MEI1: variants seen among roughly 807,000 people sequenced by gnomAD.
MEI1 encodes the protein meiosis inhibitor protein 1.
Under a neutral mutation model 146.2 loss-of-function variants are expected in MEI1, and 103 were observed. That is an observed-to-expected ratio of 0.70 (90% CI 0.60 to 0.83). The LOEUF (loss-of-function observed/expected upper bound fraction) is 0.83. MEI1 is among the 40% of genes least tolerant of loss of function. The pLI, the probability that MEI1 is intolerant of heterozygous loss-of-function variation, is 0.00. For missense variants in MEI1, 1,529 were observed against 1,533.0 expected (o/e 1.00, Z 0.04); for synonymous variants, 652 against 628.2 (o/e 1.04, Z -0.57).
At position 41,784,391 on chromosome 22, in the gene MEI1, T is replaced by G. The variant is rs1404185548; in HGVS notation, c.3140T>G (p.Phe1047Cys). Residue 1047 changes from phenylalanine to cysteine, a missense_variant, in exon 25 of 31, where the codon TTT (phenylalanine) becomes TGT (cysteine). Transcript: ENST00000401548. ...EMDQVLKALSFPKKKAALLSA... is the reference protein window; with the variant it reads ...EMDQVLKALSCPKKKAALLSA... ...GACCAAGTATTGAAGGCTCTCAGCT[T>G]TCCAAAGAAAAAGGCTGCACTACTC... 1.9e-6 allele frequency: 3 copies of G among 1,613,932 alleles called. No individual in the cohort carries two copies. The highest frequency in any genetic ancestry group is 2.5e-6 in the Non-Finnish European group (3 of 1,179,866).
rs776810903 is a variant in MEI1 at position 41,778,831 on chromosome 22, A to T, written c.2815+19A>T. ...CACCAAGGTGCCCTGGCTGCTTGGG[A>T]TAGCGCCCAAGGGCCCAGGGCTGGA... On this transcript the variant is annotated intron_variant, in intron 22 of 30. Transcript: ENST00000401548. The T allele has an allele frequency of 5.7e-6, 9 of 1,572,648 alleles. No homozygotes were observed. Among genetic ancestry groups the T allele is most frequent in the South Asian group, 1.2e-5 (1 of 86,418 alleles).
intron 3 of MEI1, 102 bp downstream of exon 3, chr22:41,705,656 G>T: frequency 3.2e-6 from 3 of 926,056 alleles, no homozygotes; most frequent in Non-Finnish European, 5.3e-6. Flanking sequence ...TTTAGACACA[G>T]ATAAGAGGAA....
intron 3 of MEI1, among the ~76,000 whole-genome samples, chr22:41,713,612 G>A (rs1011240206): frequency 7.2e-5 from 11 of 152,100 alleles, no homozygotes; most frequent in Non-Finnish European, 1.0e-4. Context: ...GCAATGGCAC[G>A]ATCTTGGCTC....
intron 3 of MEI1, chr22:41,709,600 CT>C (rs2069380192): frequency 2.3e-6 from 1 of 426,926 alleles, no homozygotes; most frequent in Non-Finnish European, 4.4e-6. Context: ...AGGTCTGAAT[CT>C]TCAGTGGCTC....
At chr22:41,711,540 G>A (rs2069570733) in intron 3 of MEI1, among the ~76,000 whole-genome samples, 1 of 152,188 alleles carries the variant, frequency 6.6e-6, no homozygotes, top group African/African-American at 2.4e-5. Context: ...TCAGACCTCA[G>A]GAACTTCACC....
intron 23 of MEI1, 112 bp downstream of exon 23, chr22:41,781,506 C>A: frequency 1.7e-6 from 2 of 1,154,982 alleles, no homozygotes; most frequent in South Asian, 2.8e-5. Context: ...GGCTGGTGGT[C>A]ATAAGGTCCT....
At chr22:41,709,170 C>G (rs1301003921) in intron 3 of MEI1, 2 of 750,194 alleles carry the variant, frequency 2.7e-6, no homozygotes, top group African/African-American at 3.5e-5. Flanking sequence ...AATAGTATTT[C>G]AAACTGTACA....
intron 19 of MEI1, among the ~76,000 whole-genome samples, chr22:41,768,156 C>T (rs907987566): frequency 4.6e-5 from 7 of 152,024 alleles, no homozygotes; most frequent in Non-Finnish European, 2.9e-5. Flanking sequence ...CCGAGGCGGG[C>T]GGATTGACTG....
intron 16 of MEI1, 120 bp from the exon 17 acceptor site, chr22:41,753,829 G>T (rs1430914918): frequency 2.7e-6 from 2 of 748,444 alleles, no homozygotes; most frequent in South Asian, 1.6e-5. Flanking sequence ...CACGGCCATG[G>T]CTAGAATTTC....
intron 20 of MEI1, among the ~76,000 whole-genome samples, chr22:41,775,591 A>G (rs1320111188): frequency 1.4e-5 from 2 of 144,228 alleles, no homozygotes; most frequent in African/African-American, 5.1e-5. Context: ...GGATGGACCT[A>G]TTCTTTTTTT....
At chr22:41,727,242 C>T (rs1461948985) in intron 7 of MEI1, among the ~76,000 whole-genome samples, 1 of 152,044 alleles carries the variant, frequency 6.6e-6, no homozygotes, top group Admixed American at 6.6e-5. Context: ...AGCTGTAAAA[C>T]CAGGTATGCC....
intron 13 of MEI1, 69 bp from the exon 14 acceptor site, chr22:41,745,816 C>A (rs1019496354): frequency 2.0e-6 from 3 of 1,472,180 alleles, no homozygotes; most frequent in African/African-American, 2.8e-5. Context: ...CCGCCACCCC[C>A]CAGGAAGCTG....
intron 26 of MEI1, among the ~76,000 whole-genome samples, chr22:41,793,486 G>C (rs1409832492): frequency 2.0e-5 from 3 of 152,086 alleles, no homozygotes; most frequent in African/African-American, 4.8e-5. Flanking sequence ...ATATTTAGTA[G>C]AGATGGGGTT....
At chr22:41,732,838 T>C (rs1472335753) in intron 11 of MEI1, among the ~76,000 whole-genome samples, 1 of 148,114 alleles carries the variant, frequency 6.8e-6, no homozygotes, top group Non-Finnish European at 1.5e-5. Context: ...TGGAGTGCAA[T>C]GGTGTGATCT....
chr22:41,778,779 C>A lies in MEI1; in HGVS notation c.2782C>A (p.Leu928Met), dbSNP rs777208934. 2 of 1,608,112 alleles carry A rather than the reference C, an allele frequency of 1.2e-6. No homozygotes were observed. The highest frequency in any genetic ancestry group is 1.7e-6 in the Non-Finnish European group (2 of 1,177,378). The change falls in exon 22 of 31, where the codon CTG becomes ATG. Residue 928 changes from leucine (L) to methionine (M), a missense_variant. Coordinates refer to ENST00000401548, the MANE Select transcript of MEI1 (RefSeq NM_152513.4). Reference protein sequence around the residue: ...MQLRNVSEQELDSVAMKLLHQ... With the variant: ...MQLRNVSEQEMDSVAMKLLHQ... ...GCTCAGGAATGTGTCAGAGCAAGAA[C>A]TGGACAGCGTGGCCATGAAGCTCCT...
intron 11 of MEI1, among the ~76,000 whole-genome samples, chr22:41,733,317 GTGCAC>G (rs1245721939): frequency 6.6e-6 from 1 of 151,830 alleles, no homozygotes; most frequent in Non-Finnish European, 1.5e-5. Context: ...AGGCATGTTG[GTGCAC>G]ACCTATAGTT....
At chr22:41,796,152 A>G (rs2076349272) in intron 30 of MEI1, among the ~76,000 whole-genome samples, 1 of 152,124 alleles carries the variant, frequency 6.6e-6, no homozygotes, top group Non-Finnish European at 1.5e-5. Context: ...TTCCTACAGA[A>G]AGCAGGCACA....
At chr22:41,753,018 C>A (rs1041323950) in intron 16 of MEI1, among the ~76,000 whole-genome samples, 2 of 150,612 alleles carry the variant, frequency 1.3e-5, no homozygotes, top group East Asian at 3.9e-4. Flanking sequence ...CTGGTCTCTA[C>A]AATTTTTTTT....
At position 41,781,750 on chromosome 22, in the gene MEI1, T is replaced by G; in HGVS notation, c.2992T>G (p.Leu998Val). 1 of 1,614,006 alleles carries G rather than the reference T, an allele frequency of 6.2e-7. No individual in the cohort carries two copies. The highest frequency in any genetic ancestry group is 8.5e-7 in the Non-Finnish European group (1 of 1,179,904). ...ELLEKMLALT[L>V]AKADSPRTAL... ...TCTGGAGAAGATGCTGGCCCTCACC[T>G]TGGCAAAGGCAGATTCTCCCAGGAC... Residue 998 changes from leucine (L) to valine (V), a missense_variant, in exon 24 of 31, where the codon TTG becomes GTG. By Grantham distance (32) the Leu-to-Val change is conservative. Around this residue, in one of 3 missense-constraint regions of MEI1, gnomAD observed 313 missense variants for 337.3 expected, o/e 0.93. Transcript: ENST00000401548.
Sources: gnomAD v4.1 joint callset for allele counts (sites outside exome capture counted in the v4.1 genomes callset) on GRCh38, gnomAD v4.1.1 for gene constraint, gnomAD v4.1.1 regional missense constraint, MANE v1.5 for transcripts, NCBI Gene and HGNC (gene_info 2026-07-23, HGNC 2026-07-21) for gene names.